THSD4: variants seen among roughly 807,000 people sequenced by gnomAD.
THSD4 encodes thrombospondin type-1 domain-containing protein 4.
In THSD4, 69 loss-of-function variants were observed where a neutral mutation model predicts 119.0. That is an observed-to-expected ratio of 0.58 (90% CI 0.48 to 0.71). The LOEUF is 0.71. Among genes scored for constraint, THSD4 ranks in the 30% least tolerant of loss-of-function variants. The pLI is 0.00. For missense variants in THSD4, 1,393 were observed against 1,391.1 expected (o/e 1.00, Z -0.02); for synonymous variants, 524 against 540.4 (o/e 0.97, Z 0.42).
chr15:71,487,517 T>G (rs1384571293), intron 7 of THSD4, among the ~76,000 whole-genome samples: 1 of 152,184 alleles, frequency 6.6e-6, no homozygotes, highest in East Asian at 1.9e-4. Context: ...TGCAAGAAAC[T>G]GTCAACCAGT....
In THSD4 at chr15:71,758,004, G is replaced by T; in HGVS notation, c.2518G>T (p.Ala840Ser). 2 of 1,613,690 alleles carry T rather than the reference G, an allele frequency of 1.2e-6. No homozygotes were observed. Among genetic ancestry groups the T allele is most frequent in the African/African-American group, 1.3e-5 (1 of 75,046 alleles). ...PLEGCGNNRP[A>S]EATPCDNGPC... is the part of the protein sequence containing the mutation. The stretch of plus-strand genomic sequence containing the variant: ...GGAGGGCTGTGGGAACAACCGGCCG[G>T]CAGAGGCCACCCCATGTGACAACGG... Residue 840 changes from alanine (A) to serine (S), a missense_variant, in exon 15 of 18, where the codon GCA becomes TCA. Coordinates refer to ENST00000261862, the MANE Select transcript of THSD4 (RefSeq NM_024817.3).
At chr15:71,711,805 G>C (rs1346667887) in intron 8 of THSD4, among the ~76,000 whole-genome samples, 1 of 151,980 alleles carries the variant, frequency 6.6e-6, no homozygotes. Context: ...TACCAAGAAT[G>C]AAGAGGCAGA....
intron 8 of THSD4, among the ~76,000 whole-genome samples, chr15:71,701,819 C>T (rs778552999): frequency 3.9e-5 from 6 of 152,054 alleles, no homozygotes; most frequent in Non-Finnish European, 7.4e-5. Flanking sequence ...TGGAGTGAAG[C>T]GAGATTGGGG....
At chr15:71,537,846 A>G (rs970064462) in intron 7 of THSD4, among the ~76,000 whole-genome samples, 2 of 152,056 alleles carry the variant, frequency 1.3e-5, no homozygotes, top group Non-Finnish European at 2.9e-5. Flanking sequence ...ACTCACTGCA[A>G]CTGCCTCCTA....
intron 7 of THSD4, among the ~76,000 whole-genome samples, chr15:71,594,685 T>C (rs866221365): frequency 1.3e-5 from 2 of 152,236 alleles, no homozygotes; most frequent in Non-Finnish European, 2.9e-5. Flanking sequence ...AGATCGCTGG[T>C]GCTCAGACCT....
intron 7 of THSD4, among the ~76,000 whole-genome samples, chr15:71,544,117 G>A (rs1224645397): frequency 6.6e-6 from 1 of 152,174 alleles, no homozygotes; most frequent in Non-Finnish European, 1.5e-5. Flanking sequence ...CAGATAGAGA[G>A]GAGACAGGGC....
At chr15:71,486,611 GTTTTTTTT>G (rs200120589) in intron 7 of THSD4, among the ~76,000 whole-genome samples, 6,948 of 131,740 alleles carry the variant, frequency 0.053, 154 homozygotes, top group East Asian at 0.11. Flanking sequence ...TTTCTTTTCT[GTTTTTTTT>G]TTTTTTTTTT....
chr15:71,747,145 A>G (rs2053355991), intron 13 of THSD4, 103 bp downstream of exon 13: 6 of 1,348,182 alleles, frequency 4.5e-6, no homozygotes, highest in Admixed American at 4.1e-5. Context: ...TGAGTTCCAC[A>G]GGAGGGAACC....
At chr15:71,411,225 T>A (rs1412513046) in intron 6 of THSD4, among the ~76,000 whole-genome samples, 2 of 152,220 alleles carry the variant, frequency 1.3e-5, no homozygotes, top group Non-Finnish European at 2.9e-5. Context: ...AATTCCTTTA[T>A]AATATTCACT....
chr15:71,717,167 C>T (rs372672008), intron 8 of THSD4, among the ~76,000 whole-genome samples: 1 of 152,114 alleles, frequency 6.6e-6, no homozygotes, highest in East Asian at 1.9e-4. Flanking sequence ...TAACAAATAC[C>T]TAATGAGTCA....
chr15:71,427,284 G>C (rs1373429627), intron 7 of THSD4, among the ~76,000 whole-genome samples: 1 of 152,164 alleles, frequency 6.6e-6, no homozygotes, highest in Non-Finnish European at 1.5e-5. Flanking sequence ...TGAAACAGTG[G>C]AAAAGATGAA....
chr15:71,246,585 T>C (rs2044203044), intron 5 of THSD4, among the ~76,000 whole-genome samples: 1 of 152,238 alleles, frequency 6.6e-6, no homozygotes. Context: ...GAATTCTTTA[T>C]GTCTTCCGAT....
chr15:71,761,291 C>T (rs5018111), intron 15 of THSD4, among the ~76,000 whole-genome samples: 152,110 of 152,274 alleles, frequency 1, 75,976 homozygotes, highest in Middle Eastern at 1. Flanking sequence ...ACTTTTATGT[C>T]TCCATTAGTG....
chr15:71,332,687 A>G (rs965475171), intron 6 of THSD4, among the ~76,000 whole-genome samples: 1 of 152,076 alleles, frequency 6.6e-6, no homozygotes, highest in African/African-American at 2.4e-5. Context: ...TCAACCTGAC[A>G]GCAGACGTCT....
At chr15:71,312,102 G>A (rs1335734259) in intron 6 of THSD4, among the ~76,000 whole-genome samples, 1 of 152,186 alleles carries the variant, frequency 6.6e-6, no homozygotes, top group African/African-American at 2.4e-5. Flanking sequence ...GTTCTGGACT[G>A]TATAGTGCTC....
chr15:71,682,591 A>G (rs1381397411), intron 8 of THSD4, among the ~76,000 whole-genome samples: 1 of 149,046 alleles, frequency 6.7e-6, no homozygotes, highest in African/African-American at 2.5e-5. Flanking sequence ...TTTTTTTCTC[A>G]ACATTTTTAA....
chr15:71,369,808 G>A (rs2046018479), intron 6 of THSD4, among the ~76,000 whole-genome samples: 1 of 152,188 alleles, frequency 6.6e-6, no homozygotes, highest in Non-Finnish European at 1.5e-5. Flanking sequence ...ATGAGTTAGG[G>A]AGGATTCCCT....
At chr15:71,642,634 G>A (rs2140966072) in intron 7 of THSD4, among the ~76,000 whole-genome samples, 1 of 152,292 alleles carries the variant, frequency 6.6e-6, no homozygotes, top group African/African-American at 2.4e-5. Context: ...AAAATGATGA[G>A]TTCACGTCCT....
intron 4 of THSD4, among the ~76,000 whole-genome samples, chr15:71,234,406 G>GGTT (rs2044086253): frequency 6.6e-6 from 1 of 152,274 alleles, no homozygotes; most frequent in South Asian, 2.1e-4. Flanking sequence ...CCCGGTTCAA[G>GGTT]CAATTCTTGT....
Sources: gnomAD v4.1 joint callset for allele counts (sites outside exome capture counted in the v4.1 genomes callset) on GRCh38, gnomAD v4.1.1 for gene constraint, MANE v1.5 for transcripts, NCBI Gene and HGNC (gene_info 2026-07-23, HGNC 2026-07-21) for gene names.